CSMD1: variants seen among roughly 807,000 people sequenced by gnomAD.
CSMD1 encodes the protein CUB and sushi domain-containing protein 1.
A neutral mutation model predicts 417.5 loss-of-function variants in CSMD1; 213 were observed. The observed-to-expected ratio is 0.51, with a 90% CI of 0.46 to 0.57. The LOEUF (loss-of-function observed/expected upper bound fraction) is 0.57, where lower values mean the gene tolerates loss of function less well. CSMD1 is among the 20% of genes least tolerant of loss of function. CSMD1 has a pLI of 0.00. For synonymous variants in CSMD1, 2,862 were observed against 1,736.8 expected (o/e 1.65, Z -16.11); for missense variants, 6,923 against 4,529.7 (o/e 1.53, Z -15.17).
intron 29 of CSMD1, among the ~76,000 whole-genome samples, chr8:3,217,280 A>G (rs938503266): frequency 1.3e-5 from 2 of 152,190 alleles, no homozygotes; most frequent in Non-Finnish European, 2.9e-5. Context: ...CACAGACTCC[A>G]CTGGAGAGCT....
chr8:3,711,807 G>T (rs1016566605), intron 6 of CSMD1, among the ~76,000 whole-genome samples: 1 of 152,156 alleles, frequency 6.6e-6, no homozygotes, highest in Non-Finnish European at 1.5e-5. Context: ...GAGAGGAGAT[G>T]AATGCACAAT....
rs1394539014 is a variant in CSMD1, at chr8:3,314,133, G to C, written c.3632-5630C>G. Among the ~76,000 whole-genome samples, 4 of 149,208 alleles carry C rather than the reference G, an allele frequency of 2.7e-5. No individual in the cohort carries two copies. The East Asian group carries it at 7.9e-4, about 29-fold the overall frequency. ...CGGAGCCTGTTGTGGGGTGGGGGGA[G>C]TGGGGAGGGATAGCATTAGGAGATA... On this transcript the variant is annotated intron_variant, in intron 23 of 69. Coordinates refer to ENST00000635120, the MANE Select transcript of CSMD1 (RefSeq NM_033225.6).
chr8:3,796,671 T>C (rs753679033), intron 5 of CSMD1, among the ~76,000 whole-genome samples: 14 of 150,374 alleles, frequency 9.3e-5, no homozygotes, highest in Non-Finnish European at 2.1e-4. Context: ...TATATATCTA[T>C]ATGTATACAT....
chr8:4,038,638 C>G (rs1295231826), intron 3 of CSMD1, among the ~76,000 whole-genome samples: 1 of 152,114 alleles, frequency 6.6e-6, no homozygotes, highest in Non-Finnish European at 1.5e-5. Flanking sequence ...TTGACATAAA[C>G]TCTACTTTTA....
intron 26 of CSMD1, among the ~76,000 whole-genome samples, chr8:3,248,296 C>A (rs577371091): frequency 9.2e-4 from 111 of 120,032 alleles, no homozygotes; most frequent in African/African-American, 3.1e-3. Flanking sequence ...CAGGACAGTA[C>A]TGGCTTGCAC....
chr8:4,266,309 T>A (rs1804220818), intron 3 of CSMD1, among the ~76,000 whole-genome samples: 1 of 105,072 alleles, frequency 9.5e-6, no homozygotes, highest in Admixed American at 9.0e-5. Flanking sequence ...AGAGAAACTG[T>A]CCAGGTCTTA....
chr8:3,997,218 C>T (rs968811158), intron 5 of CSMD1, among the ~76,000 whole-genome samples: 10 of 152,194 alleles, frequency 6.6e-5, no homozygotes, highest in East Asian at 1.9e-4. Context: ...AACATCTATG[C>T]TATGTTTTTA....
chr8:3,442,172 T>C (rs1815026733), intron 12 of CSMD1, among the ~76,000 whole-genome samples: 1 of 151,928 alleles, frequency 6.6e-6, no homozygotes, highest in South Asian at 2.1e-4. Context: ...CTAAATGTTA[T>C]AGCAAAACAA....
intron 3 of CSMD1, among the ~76,000 whole-genome samples, chr8:4,296,302 G>C (rs372592341): frequency 6.6e-6 from 1 of 151,994 alleles, no homozygotes; most frequent in Non-Finnish European, 1.5e-5. Flanking sequence ...GAATTATTTC[G>C]TCCCTGTGGT....
intron 5 of CSMD1, among the ~76,000 whole-genome samples, chr8:3,806,032 C>A (rs1249778264): frequency 3.3e-5 from 5 of 152,158 alleles, no homozygotes; most frequent in Admixed American, 6.5e-5. Context: ...CTTCATTGCA[C>A]ATTAACTTCT....
At chr8:4,428,630 G>A (rs146080393) in intron 2 of CSMD1, among the ~76,000 whole-genome samples, 193 of 152,090 alleles carry the variant, frequency 1.3e-3, no homozygotes, top group South Asian at 8.3e-3. Flanking sequence ...TAGGAAACAC[G>A]GAAACTACAG....
chr8:4,885,819 A>C (rs1287855959), intron 1 of CSMD1, among the ~76,000 whole-genome samples: 1 of 151,978 alleles, frequency 6.6e-6, no homozygotes, highest in Non-Finnish European at 1.5e-5. Flanking sequence ...AATCCAATTT[A>C]TATATGTATT....
At chr8:3,452,461 G>C (rs1018180030) in intron 12 of CSMD1, among the ~76,000 whole-genome samples, 3 of 152,142 alleles carry the variant, frequency 2.0e-5, no homozygotes, top group Non-Finnish European at 4.4e-5. Context: ...GTTTGTCATA[G>C]ATAGGTTTTA....
At chr8:4,138,626 G>C (rs372274739) in intron 3 of CSMD1, among the ~76,000 whole-genome samples, 2 of 151,770 alleles carry the variant, frequency 1.3e-5, no homozygotes, top group African/African-American at 4.8e-5. Flanking sequence ...TTAAACAAAG[G>C]AAAAAACATC....
At chr8:4,181,113 C>G (rs968366634) in intron 3 of CSMD1, among the ~76,000 whole-genome samples, 4 of 152,218 alleles carry the variant, frequency 2.6e-5, no homozygotes, top group Non-Finnish European at 5.9e-5. Flanking sequence ...GATTGACCAG[C>G]CAATTCCAAG....
intron 3 of CSMD1, among the ~76,000 whole-genome samples, chr8:4,240,014 T>C (rs1301703451): frequency 6.6e-6 from 1 of 152,262 alleles, no homozygotes; most frequent in East Asian, 1.9e-4. Flanking sequence ...TTCTGTGTTT[T>C]CAAGAAGTCC....
chr8:4,994,497 C>A lies in CSMD1; in HGVS notation c.-81G>T. On this transcript the variant is annotated 5_prime_UTR_variant, in exon 1 of 70. Transcript: ENST00000635120. ...GCTATGAGCGGAGCCAAATAATCACCCGAGGGCAAGGCGAGCCGGAGAGAG... is the reference window on the plus strand; with the variant it reads ...GCTATGAGCGGAGCCAAATAATCACACGAGGGCAAGGCGAGCCGGAGAGAG... 7.6e-7 allele frequency: 1 copy of A among 1,321,912 alleles called. No homozygotes were observed. 81.9% of individuals were successfully genotyped at this position (1,321,912 alleles called of 1,614,324 possible).
intron 3 of CSMD1, among the ~76,000 whole-genome samples, chr8:4,286,563 G>C (rs1237283827): frequency 1.3e-5 from 2 of 152,000 alleles, no homozygotes; most frequent in Admixed American, 6.6e-5. Context: ...GCATGATCAC[G>C]AGGACACCCA....
At chr8:3,968,179 T>C (rs1405539811) in intron 5 of CSMD1, among the ~76,000 whole-genome samples, 2 of 127,300 alleles carry the variant, frequency 1.6e-5, no homozygotes, top group African/African-American at 6.4e-5. Context: ...AGAGCGAGAC[T>C]CCGTCTCAAA....
Sources: gnomAD v4.1 joint callset for allele counts (sites outside exome capture counted in the v4.1 genomes callset) on GRCh38, gnomAD v4.1.1 for gene constraint, MANE v1.5 for transcripts, NCBI Gene and HGNC (gene_info 2026-07-23, HGNC 2026-07-21) for gene names.